The following CCDC88C variants were observed in gnomAD, a reference collection of about 807,000 sequenced individuals.
CCDC88C encodes protein Daple.
In CCDC88C, 131 loss-of-function variants were observed where a neutral mutation model predicts 198.8. The observed-to-expected ratio is 0.66, with a 90% CI of 0.57 to 0.76. CCDC88C has a LOEUF of 0.76. Ranked by LOEUF, CCDC88C falls within the 30% of genes least tolerant of loss-of-function variation. CCDC88C has a pLI of 0.00. For synonymous variants in CCDC88C, 1,166 were observed against 1,114.7 expected, an observed-to-expected ratio of 1.05 and a Z score of -0.92; for missense variants, 2,553 against 2,631.6, an observed-to-expected ratio of 0.97 and a Z score of 0.65.
intron 3 of CCDC88C, among the ~76,000 whole-genome samples, chr14:91,397,628 G>A (rs1885931746): frequency 1.3e-5 from 2 of 152,212 alleles, no homozygotes; most frequent in African/African-American, 2.4e-5. Flanking sequence ...TGGGGTGAGG[G>A]GTGAAGTCTG....
Position 91,338,402 on chromosome 14 carries a change from T to G in CCDC88C, c.891+87A>C, listed in dbSNP as rs1893149464. On this transcript the variant is annotated intron_variant, in intron 9 of 29. Transcript: ENST00000389857. The surrounding 1 kb of genome is among the most constrained non-coding windows in gnomAD (Gnocchi z 4.8). Reference sequence around the variant, plus strand: ...CTCTTGTGTGGCTTAAAAGCGCTGCTGTTGAGCTCCTGACCCTCCAGGCCC... The same window carrying G: ...CTCTTGTGTGGCTTAAAAGCGCTGCGGTTGAGCTCCTGACCCTCCAGGCCC... 8.3e-7 allele frequency: 1 copy of G among 1,200,464 alleles called. No individual in the cohort carries two copies. The highest frequency in any genetic ancestry group is 2.6e-5 in the East Asian group (1 of 39,142). 74.4% of individuals were successfully genotyped at this position (1,200,464 alleles called of 1,614,324 possible).
chr14:91,387,876 C>T (rs1885237474), intron 3 of CCDC88C, among the ~76,000 whole-genome samples: 1 of 152,216 alleles, frequency 6.6e-6, no homozygotes, highest in South Asian at 2.1e-4. Flanking sequence ...ATCAGCAGTG[C>T]CCAACCCTGG....
At chr14:91,388,215 G>A (rs1182490168) in intron 3 of CCDC88C, among the ~76,000 whole-genome samples, 4 of 152,168 alleles carry the variant, frequency 2.6e-5, no homozygotes, top group African/African-American at 9.7e-5. Context: ...AGACGGCCAG[G>A]GTGTGAAGGG....
chr14:91,294,662 T>C (rs1451648324), intron 22 of CCDC88C, among the ~76,000 whole-genome samples: 2 of 152,174 alleles, frequency 1.3e-5, no homozygotes, highest in African/African-American at 2.4e-5. Context: ...TGTTTTCGTT[T>C]GTTTGTTTTG....
intron 3 of CCDC88C, among the ~76,000 whole-genome samples, chr14:91,406,034 T>C (rs1207026096): frequency 6.6e-6 from 1 of 152,142 alleles, no homozygotes; most frequent in African/African-American, 2.4e-5. Context: ...CAGGGTCCTC[T>C]TTCCATCTGG....
intron 3 of CCDC88C, among the ~76,000 whole-genome samples, chr14:91,389,220 C>G (rs1047246520): frequency 2.6e-5 from 4 of 152,108 alleles, no homozygotes; most frequent in Non-Finnish European, 5.9e-5. Context: ...GGGACAGGTA[C>G]GGTGAGGAGG....
intron 3 of CCDC88C, among the ~76,000 whole-genome samples, chr14:91,395,055 C>T (rs1885761430): frequency 6.6e-6 from 1 of 152,160 alleles, no homozygotes. Context: ...ATTAATATCT[C>T]CACTTTTCAA....
chr14:91,406,414 C>T (rs900649902), intron 3 of CCDC88C, among the ~76,000 whole-genome samples: 2 of 152,198 alleles, frequency 1.3e-5, no homozygotes, highest in African/African-American at 2.4e-5. Flanking sequence ...GGAGGGAGGA[C>T]AGGGATGCAG....
chr14:91,329,634 C>T (rs765932306), intron 10 of CCDC88C, among the ~76,000 whole-genome samples: 1 of 152,244 alleles, frequency 6.6e-6, no homozygotes, highest in Non-Finnish European at 1.5e-5. Flanking sequence ...CATTCCCATC[C>T]CAGGTCCCCC....
chr14:91,409,582 G>A (rs887872656), intron 2 of CCDC88C, among the ~76,000 whole-genome samples: 2 of 151,238 alleles, frequency 1.3e-5, no homozygotes, highest in African/African-American at 4.9e-5. Flanking sequence ...TCACCTCCTG[G>A]GTTCCAGCGA....
In CCDC88C at chr14:91,325,812, T is replaced by C; in HGVS notation, c.1197+98A>G. ...TAGAACTCCTGCGCTCAAGGGATCC[T>C]CCCACCTTAGCCTCCCAAAGTGCTG... is the stretch of plus-strand genomic sequence containing the variant. On this transcript the variant is annotated intron_variant, in intron 11 of 29. Transcript: ENST00000389857. The surrounding 1 kb of genome is among the most constrained non-coding windows in gnomAD (Gnocchi z 4.1). The C allele has an allele frequency of 2.4e-6, 3 of 1,262,488 alleles. No individual in the cohort carries two copies. The highest frequency in any genetic ancestry group is 3.3e-6 in the Non-Finnish European group (3 of 917,758). The allele number at this position is 1,262,488 out of a possible 1,614,324, so 78.2% of individuals were successfully genotyped here. A position where few individuals can be genotyped will look rare whatever the true frequency, so the allele number is the denominator to read the frequency against.
intron 13 of CCDC88C, among the ~76,000 whole-genome samples, chr14:91,318,765 A>C (rs1314269460): frequency 2.0e-5 from 3 of 151,968 alleles, no homozygotes; most frequent in Admixed American, 2.0e-4. Context: ...TAAAAACACA[A>C]AAATTAGCTG....
chr14:91,389,399 C>T (rs1457886739), intron 3 of CCDC88C, among the ~76,000 whole-genome samples: 1 of 152,192 alleles, frequency 6.6e-6, no homozygotes, highest in African/African-American at 2.4e-5. Flanking sequence ...AGGTCACTGA[C>T]CCCAAAGGTT....
chr14:91,345,190 A>ATATATATATTT (rs1246878587), intron 4 of CCDC88C, among the ~76,000 whole-genome samples: 1 of 52,204 alleles, frequency 1.9e-5, no homozygotes, highest in African/African-American at 7.9e-5. Flanking sequence ...ATATATATAT[A>ATATATATATTT]TTTTTTTTTT....
At chr14:91,307,829 TAG>T (rs895339753) in intron 17 of CCDC88C, among the ~76,000 whole-genome samples, 49 of 152,346 alleles carry the variant, frequency 3.2e-4, no homozygotes, top group African/African-American at 1.2e-3. Context: ...TACATGTGTG[TAG>T]AGAGCATGCA....
Position 91,277,831 on chromosome 14 carries a change from C to A in CCDC88C, c.5058+91G>T, listed in dbSNP as rs1890027088. 2.9e-6 allele frequency: 4 copies of A among 1,390,428 alleles called. No individual in the cohort carries two copies. In the Admixed American group the frequency reaches 1.1e-4, roughly 40 times the overall value. The allele number at this position is 1,390,428 out of a possible 1,614,324, so 86.1% of individuals were successfully genotyped here. ...AGTCCTGTGCCTAGGCCACGCCACCCCCACCCCATCCTTTCTGCAGCTATG... is the reference window on the plus strand; with the variant it reads ...AGTCCTGTGCCTAGGCCACGCCACCACCACCCCATCCTTTCTGCAGCTATG... On this transcript the variant is annotated intron_variant, in intron 29 of 29. Coordinates refer to ENST00000389857, the MANE Select transcript of CCDC88C (RefSeq NM_001080414.4).
intron 3 of CCDC88C, among the ~76,000 whole-genome samples, chr14:91,388,636 C>T (rs1885295247): frequency 6.6e-6 from 1 of 152,220 alleles, no homozygotes; most frequent in Non-Finnish European, 1.5e-5. Context: ...AAGAAACACA[C>T]ACAGCGAGCT....
At chr14:91,403,839 A>AG (rs1276880630) in intron 3 of CCDC88C, among the ~76,000 whole-genome samples, 8 of 152,212 alleles carry the variant, frequency 5.3e-5, no homozygotes, top group African/African-American at 7.2e-5. Flanking sequence ...CTGAGGTAGG[A>AG]GGATCGCCTG....
intron 3 of CCDC88C, among the ~76,000 whole-genome samples, chr14:91,360,286 A>ACACACACACACT (rs1894250749): frequency 7.6e-6 from 1 of 130,750 alleles, no homozygotes; most frequent in Admixed American, 8.0e-5. Flanking sequence ...ACACACACAC[A>ACACACACACACT]CACACTCTTA....
Sources: allele counts gnomAD v4.1 joint callset (sites outside exome capture counted in the v4.1 genomes callset), GRCh38; gene constraint gnomAD v4.1.1; non-coding constraint Gnocchi (gnomAD v3.1); transcripts MANE v1.5; gene names NCBI Gene and HGNC (gene_info 2026-07-23, HGNC 2026-07-21).